ERFL: variants seen among roughly 807,000 people sequenced by gnomAD.
ERFL encodes ETS repressor factor like.
A neutral mutation model predicts 27.9 loss-of-function variants in ERFL; 8 were observed. That is an observed-to-expected ratio of 0.29 (90% confidence interval 0.17 to 0.52). ERFL has a LOEUF of 0.52. Ranked by LOEUF, ERFL falls within the 20% of genes least tolerant of loss-of-function variation. The pLI is 0.97. For synonymous variants in ERFL, 174 were observed against 202.8 expected (o/e 0.86, Z 1.21); for missense variants, 294 against 444.4 (o/e 0.66, Z 3.04).
At chr19:41,912,482 C>T (rs1328997984) in intron 2 of ERFL, among the ~76,000 whole-genome samples, 1 of 152,228 alleles carries the variant, frequency 6.6e-6, no homozygotes, top group African/African-American at 2.4e-5. Context: ...TCCATCCGTG[C>T]CTGGCCTAGT....
At chr19:41,922,093 C>T (rs7260129) in intron 1 of ERFL, among the ~76,000 whole-genome samples, 33,513 of 151,846 alleles carry the variant, frequency 0.22, 10,643 homozygotes, top group African/African-American at 0.71. Flanking sequence ...GCTGGAGGGG[C>T]GGGGGCAGAG....
At chr19:41,915,575 A>T (rs935772378) in intron 1 of ERFL, among the ~76,000 whole-genome samples, 7 of 149,110 alleles carry the variant, frequency 4.7e-5, no homozygotes, top group Non-Finnish European at 7.4e-5. Flanking sequence ...CCACATCTCC[A>T]TATCTCCTCC....
At position 41,910,201 on chromosome 19, in the gene ERFL, T is replaced by G. The variant is rs1212665796; in HGVS notation, c.68-104A>C. The G allele has an allele frequency of 8.9e-7, 1 of 1,129,906 alleles. No individual in the cohort carries two copies. The highest frequency in any genetic ancestry group is 1.2e-6 in the Non-Finnish European group (1 of 802,640). 70.0% of individuals were successfully genotyped at this position (1,129,906 alleles called of 1,614,324 possible). A position where few individuals can be genotyped will look rare whatever the true frequency, so the allele number is the denominator to read the frequency against. ...TGGGAGGCATGTAGTTCTCCTCCAG[T>G]CTCAGGCATCTTTAGGGACCTGGTT... On this transcript the variant is annotated intron_variant, in intron 2 of 5. Coordinates refer to ENST00000597630, the MANE Select transcript of ERFL (RefSeq NM_001365103.2). The surrounding 1 kb of genome is among the most constrained non-coding windows in gnomAD (Gnocchi z 4.4).
chr19:41,922,740 G>A (rs1010957285), intron 1 of ERFL, among the ~76,000 whole-genome samples: 1 of 152,174 alleles, frequency 6.6e-6, no homozygotes, highest in African/African-American at 2.4e-5. Context: ...GGGCTGGGGG[G>A]GACTCAGGGC....
intron 1 of ERFL, among the ~76,000 whole-genome samples, chr19:41,920,648 C>T (rs1231470165): frequency 1.3e-5 from 2 of 152,234 alleles, no homozygotes; most frequent in African/African-American, 2.4e-5. Context: ...CCCAGGAGCA[C>T]GCATGTCTAC....
rs1245390756 is a variant in ERFL at position 41,909,175 on chromosome 19, G to A, written c.501C>T (p.Thr167=). The stretch of plus-strand genomic sequence containing the variant: ...GTGGGGCAGAGAACAGGGTTTGCAG[G>A]GTCTAGAGAGGGAGTGGGAGAAGCC... ...GPDAPPLTPE[T]LQTLFSAPRL... The change falls in exon 5 of 6, where the codon ACC becomes ACT. Residue 167 remains threonine, a splice_region_variant and synonymous_variant. Transcript: ENST00000597630. This position sits in a 1 kb window ranked among gnomAD's most constrained non-coding sequence, Gnocchi z 5.2. The A allele has an allele frequency of 8.1e-7, 1 of 1,231,664 alleles. No individual in the cohort carries two copies. The highest frequency in any genetic ancestry group is 1.0e-6 in the Non-Finnish European group (1 of 988,080). 76.3% of individuals were successfully genotyped at this position (1,231,664 alleles called of 1,614,324 possible). A position where few individuals can be genotyped will look rare whatever the true frequency, so the allele number is the denominator to read the frequency against.
intron 1 of ERFL, among the ~76,000 whole-genome samples, chr19:41,924,794 G>C (rs967689853): frequency 6.6e-6 from 1 of 152,156 alleles, no homozygotes; most frequent in Admixed American, 6.5e-5. Context: ...CTCGAGGAGA[G>C]AGCTGGTCAG....
At chr19:41,925,007 C>A (rs555144024) in intron 1 of ERFL, among the ~76,000 whole-genome samples, 10 of 152,114 alleles carry the variant, frequency 6.6e-5, no homozygotes, top group African/African-American at 1.9e-4. Context: ...ACTCCGGTCA[C>A]ATGGATGTTT....
rs1555852010 is a variant in ERFL, at chr19:41,916,955, C to G, written c.-13-4023G>C. Among the ~76,000 whole-genome samples, 1 of 152,214 alleles carries G rather than the reference C, an allele frequency of 6.6e-6. No individual in the cohort carries two copies. ...CCTGCCACTCCTGCTCCCACCATCC[C>G]CATCTGTCTGCCTGTCCCTCCATCT... On this transcript the variant is annotated intron_variant, in intron 1 of 5. Coordinates refer to ENST00000597630, the MANE Select transcript of ERFL (RefSeq NM_001365103.2). The surrounding 1 kb of genome is among the most constrained non-coding windows in gnomAD (Gnocchi z 5.4).
Position 41,908,713 on chromosome 19 carries a change from G to A in ERFL, c.617-37C>T. The A allele has an allele frequency of 8.8e-7, 1 of 1,142,346 alleles. No individual in the cohort carries two copies. The highest frequency in any genetic ancestry group is 1.6e-5 in the African/African-American group (1 of 62,698). The allele number at this position is 1,142,346 out of a possible 1,614,324, so 70.8% of individuals were successfully genotyped here. On this transcript the variant is annotated intron_variant, in intron 5 of 5. Coordinates refer to ENST00000597630, the MANE Select transcript of ERFL (RefSeq NM_001365103.2). The surrounding 1 kb of genome is among the most constrained non-coding windows in gnomAD (Gnocchi z 6.7). ...AGGGGTAGGTCAGGCTGGGGCACCT[G>A]CCTGCCTGGGGACCAGTAAAGGGGG... is the stretch of plus-strand genomic sequence containing the variant.
In ERFL at chr19:41,908,290, C is replaced by T. The variant is rs551170401; in HGVS notation, c.1003G>A (p.Gly335Ser). Residue 335 changes from glycine (G) to serine (S), a missense_variant, in exon 6 of 6, where the codon GGC becomes AGC. Coordinates refer to ENST00000597630, the MANE Select transcript of ERFL (RefSeq NM_001365103.2). This position sits in a 1 kb window ranked among gnomAD's most constrained non-coding sequence, Gnocchi z 6.7. ...GGGGGTGCCGGGAGACCCTCATCGCCCTCGCTGTCAGAGCTGCAGCCGCTG... is the reference window on the plus strand; with the variant it reads ...GGGGGTGCCGGGAGACCCTCATCGCTCTCGCTGTCAGAGCTGCAGCCGCTG... Reference protein sequence around the residue: ...DVSGCSSDSEGDEGLPAPPKA... With the variant: ...DVSGCSSDSESDEGLPAPPKA... The T allele has an allele frequency of 2.5e-5, 31 of 1,231,592 alleles. No individual in the cohort carries two copies. In the East Asian group the frequency reaches 8.8e-4, roughly 35 times the overall value. The allele number at this position is 1,231,592 out of a possible 1,614,324, so 76.3% of individuals were successfully genotyped here. A position where few individuals can be genotyped will look rare whatever the true frequency, so the allele number is the denominator to read the frequency against.
At position 41,921,223 on chromosome 19, in the gene ERFL, C is replaced by T. The variant is rs782299752; in HGVS notation, c.-14+6817G>A. Among the ~76,000 whole-genome samples the T allele has an allele frequency of 2.6e-5, 4 of 151,818 alleles. No homozygotes were observed. The highest frequency in any genetic ancestry group is 5.9e-5 in the Non-Finnish European group (4 of 67,954). On this transcript the variant is annotated intron_variant, in intron 1 of 5. Transcript: ENST00000597630. This position sits in a 1 kb window ranked among gnomAD's most constrained non-coding sequence, Gnocchi z 4.4. ...GTGGACCCCGCCTCCCCTCAGAGAC[C>T]CAGAGAGATGGAGGAACTGGAGGTT...
At chr19:41,919,972 C>T (rs564412475) in intron 1 of ERFL, among the ~76,000 whole-genome samples, 68 of 147,398 alleles carry the variant, frequency 4.6e-4, no homozygotes, top group African/African-American at 1.6e-3. Context: ...ACAGACATGA[C>T]ACGCCCACAG....
chr19:41,920,276 CATG>C (rs1401501930), intron 1 of ERFL, among the ~76,000 whole-genome samples: 24 of 131,110 alleles, frequency 1.8e-4, no homozygotes, highest in Admixed American at 7.0e-4. Flanking sequence ...TGCTCACAGA[CATG>C]ATAACGCTCA....
chr19:41,925,889 G>C (rs1465991509), intron 1 of ERFL, among the ~76,000 whole-genome samples: 1 of 152,058 alleles, frequency 6.6e-6, no homozygotes, highest in Admixed American at 6.6e-5. Context: ...GTGAGGGCCA[G>C]GAGGCTGGGG....
chr19:41,914,702 CT>C (rs1170979819), intron 1 of ERFL, among the ~76,000 whole-genome samples: 4 of 15,574 alleles, frequency 2.6e-4, no homozygotes, highest in African/African-American at 7.6e-4. Context: ...TCTCCCTCCC[CT>C]TCCACCATCT....
At chr19:41,925,139 T>A (rs1284525633) in intron 1 of ERFL, among the ~76,000 whole-genome samples, 2 of 151,616 alleles carry the variant, frequency 1.3e-5, no homozygotes, top group African/African-American at 4.9e-5. Context: ...CAAAGAGAGA[T>A]TAAGTGGGGG....
chr19:41,910,785 C>T lies in ERFL; in HGVS notation c.68-688G>A, dbSNP rs531673078. ...GTCACACAGACATCAGTTCACTTGCCTGAGACACACAGCCACACTGGGACA... is the reference window on the plus strand; with the variant it reads ...GTCACACAGACATCAGTTCACTTGCTTGAGACACACAGCCACACTGGGACA... On this transcript the variant is annotated intron_variant, in intron 2 of 5. Coordinates refer to ENST00000597630, the MANE Select transcript of ERFL (RefSeq NM_001365103.2). The surrounding 1 kb of genome is among the most constrained non-coding windows in gnomAD (Gnocchi z 4.4). Among the ~76,000 whole-genome samples the T allele has an allele frequency of 6.6e-6, 1 of 152,286 alleles. No individual in the cohort carries two copies. Among genetic ancestry groups the T allele is most frequent in the South Asian group, 2.1e-4 (1 of 4,824 alleles).
chr19:41,913,828 C>T (rs1184234326), intron 1 of ERFL, among the ~76,000 whole-genome samples: 1 of 150,966 alleles, frequency 6.6e-6, no homozygotes, highest in African/African-American at 2.4e-5. Flanking sequence ...CAATCCACTC[C>T]CTCTCACACC....
Sources: allele counts gnomAD v4.1 joint callset (sites outside exome capture counted in the v4.1 genomes callset), GRCh38; gene constraint gnomAD v4.1.1; non-coding constraint Gnocchi (gnomAD v3.1); transcripts MANE v1.5; gene names NCBI Gene and HGNC (gene_info 2026-07-23, HGNC 2026-07-21).